Variants in SPATA13 observed in about 807,000 individuals in gnomAD.
SPATA13 encodes the protein spermatogenesis associated 13.
In SPATA13, 50 loss-of-function variants were observed where a neutral mutation model predicts 104.0. The ratio of observed to expected loss-of-function variants is 0.48; its 90% CI spans 0.38 to 0.61. The LOEUF is 0.61. SPATA13 is among the 20% of genes least tolerant of loss of function. SPATA13 has a pLI of 0.00. For missense variants in SPATA13, 1,524 were observed against 1,690.6 expected (o/e 0.90, Z 1.73); for synonymous variants, 606 against 667.5 (o/e 0.91, Z 1.42).
At chr13:24,237,234 G>A (rs1381651922) in intron 2 of SPATA13, among the ~76,000 whole-genome samples, 3 of 152,090 alleles carry the variant, frequency 2.0e-5, no homozygotes, top group Non-Finnish European at 2.9e-5. Flanking sequence ...GTGGGTGCCT[G>A]TAGTCCCAGC....
chr13:24,007,643 G>A (rs1876292309), intron 2 of SPATA13, among the ~76,000 whole-genome samples: 1 of 152,078 alleles, frequency 6.6e-6, no homozygotes, highest in Non-Finnish European at 1.5e-5. Context: ...TTTTAGTAGA[G>A]ACAGCTTTTC....
chr13:24,034,390 G>A (rs1471052905), intron 3 of SPATA13: 1 of 152,150 alleles, frequency 6.6e-6, no homozygotes, highest in Non-Finnish European at 1.5e-5. Flanking sequence ...CATCAAACTG[G>A]TTGGGTCCAA....
At chr13:24,002,675 C>T (rs144925506) in intron 2 of SPATA13, among the ~76,000 whole-genome samples, 3 of 152,134 alleles carry the variant, frequency 2.0e-5, no homozygotes, top group African/African-American at 4.8e-5. Context: ...CCGCAAGCCT[C>T]GTCCGGCTCC....
intron 8 of SPATA13, among the ~76,000 whole-genome samples, chr13:24,290,252 T>A (rs1444637942): frequency 1.3e-5 from 2 of 152,168 alleles, no homozygotes. Context: ...CAAGACTAGT[T>A]GTAAACCACA....
At chr13:24,184,084 C>T (rs17362866) in intron 1 of SPATA13, among the ~76,000 whole-genome samples, 11,509 of 152,132 alleles carry the variant, frequency 0.076, 587 homozygotes, top group Admixed American at 0.17. Context: ...AGGAGAGCGC[C>T]AAGGGACAGT....
intron 2 of SPATA13, among the ~76,000 whole-genome samples, chr13:24,243,888 G>A (rs1375210667): frequency 6.6e-6 from 1 of 152,154 alleles, no homozygotes; most frequent in East Asian, 1.9e-4. Context: ...GAGTCCCTAT[G>A]CTTTAATTTT....
intron 3 of SPATA13, among the ~76,000 whole-genome samples, chr13:24,100,743 AT>A (rs35984887): frequency 0.34 from 51,234 of 151,996 alleles, 8,983 homozygotes; most frequent in Non-Finnish European, 0.38. Flanking sequence ...ACACTAGCAG[AT>A]TTTGCTCTTA....
chr13:24,041,665 A>G (rs905673211), intron 3 of SPATA13, among the ~76,000 whole-genome samples: 4 of 152,228 alleles, frequency 2.6e-5, no homozygotes, highest in Admixed American at 6.5e-5. Flanking sequence ...ATCAGAAAGT[A>G]GAAAAGAAGG....
chr13:24,277,833 T>C lies in SPATA13; in HGVS notation c.2165-6302T>C, dbSNP rs137960297. On this transcript the variant is annotated intron_variant, in intron 4 of 12. Coordinates refer to ENST00000382108, the MANE Select transcript of SPATA13 (RefSeq NM_001166271.3). Reference sequence around the variant, plus strand: ...CCTAGACAGTAAGCGTGGGGAATCATAGAAAACCACCAGGCCTGGACGAAG... The same window carrying C: ...CCTAGACAGTAAGCGTGGGGAATCACAGAAAACCACCAGGCCTGGACGAAG... Among the ~76,000 whole-genome samples the C allele has an allele frequency of 4.7e-3, 712 of 152,262 alleles. 3 individuals are homozygous for C. The highest frequency in any genetic ancestry group is 6.8e-3 in the Middle Eastern group (2 of 294).
chr13:24,204,754 TC>T (rs1310597402), intron 1 of SPATA13, among the ~76,000 whole-genome samples: 3 of 152,248 alleles, frequency 2.0e-5, no homozygotes, highest in African/African-American at 7.2e-5. Flanking sequence ...TCCAGGTTCA[TC>T]CCTGCTGTAG....
intron 7 of SPATA13, among the ~76,000 whole-genome samples, chr13:24,288,457 C>G (rs1229745684): frequency 6.6e-6 from 1 of 152,168 alleles, no homozygotes; most frequent in Non-Finnish European, 1.5e-5. Flanking sequence ...CCTACCTAAG[C>G]CATAGTATAG....
chr13:24,261,860 A>G (rs1473212844), intron 4 of SPATA13, among the ~76,000 whole-genome samples: 1 of 152,114 alleles, frequency 6.6e-6, no homozygotes, highest in Non-Finnish European at 1.5e-5. Flanking sequence ...CTTAAAATTG[A>G]GGTATTTTAT....
rs1463954937 is a variant in SPATA13, at chr13:24,306,441, T to C, written c.*3668T>C. The C allele has an allele frequency of 1.3e-5, 2 of 152,160 alleles. No individual in the cohort carries two copies. The highest frequency in any genetic ancestry group is 1.3e-4 in the Admixed American group (2 of 15,284). 9.4% of individuals were successfully genotyped at this position (152,160 alleles called of 1,614,324 possible). ...TCAAAGGAGTGTCAAGAAGTATGAA[T>C]AAATGTCCTTTCACCAGCTCACAGG... is the stretch of plus-strand genomic sequence containing the variant. On this transcript the variant is annotated 3_prime_UTR_variant, in exon 13 of 13. Transcript: ENST00000382108.
At chr13:24,154,433 C>T (rs1882197770) in intron 3 of SPATA13, among the ~76,000 whole-genome samples, 1 of 152,076 alleles carries the variant, frequency 6.6e-6, no homozygotes, top group South Asian at 2.1e-4. Flanking sequence ...AAGTATACAT[C>T]CTGCATGACT....
intron 3 of SPATA13, among the ~76,000 whole-genome samples, chr13:24,106,495 C>A (rs1302142285): frequency 2.0e-5 from 3 of 152,180 alleles, no homozygotes; most frequent in Admixed American, 1.3e-4. Context: ...GGTTTCCTGT[C>A]CCCTCACTTC....
intron 4 of SPATA13, among the ~76,000 whole-genome samples, chr13:24,264,464 T>G (rs1404145910): frequency 6.6e-6 from 1 of 152,114 alleles, no homozygotes; most frequent in Non-Finnish European, 1.5e-5. Context: ...AATGAGTAGA[T>G]AGTGGAGCTA....
rs902048857 is a variant in SPATA13 at position 24,266,145 on chromosome 13, A to G, written c.2164+14283A>G. 2.6e-5 allele frequency among the ~76,000 whole-genome samples: 4 copies of G among 152,316 alleles called. No individual in the cohort carries two copies. In the East Asian group the frequency reaches 7.7e-4, roughly 29 times the overall value. ...ATACTGCTATTAACTTGCCTCTCCA[A>G]GAATTTTATGACATTTCTTTCCCAT... is the stretch of plus-strand genomic sequence containing the variant. On this transcript the variant is annotated intron_variant, in intron 4 of 12. Coordinates refer to ENST00000382108, the MANE Select transcript of SPATA13 (RefSeq NM_001166271.3).
chr13:24,239,693 T>TAAAAAAAAAAAA (rs55881452), intron 2 of SPATA13, among the ~76,000 whole-genome samples: 6 of 46,936 alleles, frequency 1.3e-4, no homozygotes, highest in Admixed American at 3.9e-4. Flanking sequence ...AGACCATATC[T>TAAAAAAAAAAAA]AAAAAAAAAA....
rs534240603 is a variant in SPATA13, at chr13:24,004,071, C to A, written c.-146-13596C>A. Among the ~76,000 whole-genome samples the A allele has an allele frequency of 2.0e-5, 3 of 152,248 alleles. No individual in the cohort carries two copies. In the East Asian group the frequency reaches 5.8e-4, roughly 29 times the overall value. The stretch of plus-strand genomic sequence containing the variant: ...ATAGTTCCTGGTGGGCACTCCTGGG[C>A]TTTGGTCTGTCCTCAAGGTCGTTCA... On this transcript the variant is annotated intron_variant, in intron 2 of 14. Transcript: ENST00000424834.
Sources: allele counts gnomAD v4.1 joint callset (sites outside exome capture counted in the v4.1 genomes callset), GRCh38; gene constraint gnomAD v4.1.1; transcripts MANE v1.5; gene names NCBI Gene and HGNC (gene_info 2026-07-23, HGNC 2026-07-21).